The following PCGF5 variants were observed in gnomAD, a reference collection of about 807,000 sequenced individuals.
PCGF5 encodes the protein polycomb group ring finger 5.
In PCGF5, 9 loss-of-function variants were observed where a neutral mutation model predicts 44.3. That is an observed-to-expected ratio of 0.20 (90% CI 0.12 to 0.35). PCGF5 has a LOEUF of 0.35. Ranked by LOEUF, PCGF5 falls within the 10% of genes least tolerant of loss-of-function variation. The pLI is 1.00. For synonymous variants in PCGF5, 95 were observed against 102.5 expected, an observed-to-expected ratio of 0.93 and a Z score of 0.44; for missense variants, 146 against 305.3, an observed-to-expected ratio of 0.48 and a Z score of 3.89.
chr10:91,258,831 G>T (rs1845824379), intron 6 of PCGF5, among the ~76,000 whole-genome samples: 1 of 151,972 alleles, frequency 6.6e-6, no homozygotes, highest in South Asian at 2.1e-4. Flanking sequence ...GTTGTTATTT[G>T]TTAATTTATT....
intron 1 of PCGF5, among the ~76,000 whole-genome samples, chr10:91,181,425 T>C (rs1758380426): frequency 6.6e-6 from 1 of 150,500 alleles, no homozygotes. Flanking sequence ...GGCATCCTTG[T>C]CTTGTGCCAG....
intron 1 of PCGF5, among the ~76,000 whole-genome samples, chr10:91,180,385 G>A (rs563860232): frequency 6.6e-6 from 1 of 152,156 alleles, no homozygotes; most frequent in South Asian, 2.1e-4. Context: ...TTTTGTTGCA[G>A]TTATTTTGGT....
rs1846442576 is a variant in PCGF5 at position 91,281,125 on chromosome 10, G to A, written c.*2809G>A. The A allele has an allele frequency of 6.6e-6, 1 of 152,428 alleles. No homozygotes were observed. The highest frequency in any genetic ancestry group is 1.5e-5 in the Non-Finnish European group (1 of 67,900). The allele number at this position is 152,428 out of a possible 1,614,324, so 9.4% of individuals were successfully genotyped here. The stretch of plus-strand genomic sequence containing the variant: ...TCAGTTAATAGAGAAATCAAAATAT[G>A]TATGGCCTTTTCTCTAGATTAGCAA... On this transcript the variant is annotated 3_prime_UTR_variant, in exon 10 of 10. Coordinates refer to ENST00000336126, the MANE Select transcript of PCGF5 (RefSeq NM_032373.5).
At chr10:91,215,196 A>G (rs895065419), upstream of PCGF5, among the ~76,000 whole-genome samples, 1 of 152,236 alleles carries the variant, frequency 6.6e-6, no homozygotes, top group African/African-American at 2.4e-5. Context: ...GCATAAATGA[A>G]TACATGTAAT....
chr10:91,211,842 A>G (rs1244618160), intron 1 of PCGF5, among the ~76,000 whole-genome samples: 1 of 151,976 alleles, frequency 6.6e-6, no homozygotes, highest in East Asian at 1.9e-4. Flanking sequence ...AGTGGAGACA[A>G]GGTTATAGAG....
At chr10:91,160,777 G>C (rs12254140), upstream of PCGF5, among the ~76,000 whole-genome samples, 2,289 of 152,286 alleles carry the variant, frequency 0.015, 60 homozygotes, top group African/African-American at 0.053. Flanking sequence ...GAAGCAGAAG[G>C]GCAAAGAGGG....
At chr10:91,260,296 A>C (rs952418343) in intron 6 of PCGF5, among the ~76,000 whole-genome samples, 3 of 152,226 alleles carry the variant, frequency 2.0e-5, no homozygotes, top group African/African-American at 7.2e-5. Context: ...CCATCATTAA[A>C]AAGTCAGGAA....
chr10:91,222,956 A>T lies in PCGF5; in HGVS notation c.85A>T (p.Thr29Ser), dbSNP rs1448969907. 1 of 1,608,264 alleles carries T rather than the reference A, an allele frequency of 6.2e-7. No homozygotes were observed. Among genetic ancestry groups the T allele is most frequent in the Non-Finnish European group, 8.5e-7 (1 of 1,174,636 alleles). ...YICKGYLIKP[T>S]TVTECLHTFC... is the part of the protein sequence containing the mutation. The stretch of plus-strand genomic sequence containing the variant: ...CTGTAAAGGGTATCTGATCAAGCCA[A>T]CAACAGTGACGGAATGCCTCCATAC... The change falls in exon 2 of 10, where the codon ACA becomes TCA. Residue 29 changes from threonine to serine, a missense_variant. Transcript: ENST00000336126.
chr10:91,218,424 G>T (rs536003756), upstream of PCGF5, among the ~76,000 whole-genome samples: 214 of 151,988 alleles, frequency 1.4e-3, 1 homozygote, highest in Non-Finnish European at 2.2e-3. Flanking sequence ...CCCTCATGTT[G>T]TAGCTTCCGT....
intron 2 of PCGF5, among the ~76,000 whole-genome samples, chr10:91,225,900 C>T (rs1258937949): frequency 1.3e-5 from 2 of 151,904 alleles, no homozygotes; most frequent in East Asian, 3.9e-4. Flanking sequence ...ACAAGGTTTT[C>T]TTATATATAA....
intron 8 of PCGF5, among the ~76,000 whole-genome samples, chr10:91,270,068 G>A (rs917705360): frequency 1.3e-4 from 20 of 152,172 alleles, no homozygotes; most frequent in South Asian, 2.1e-4. Flanking sequence ...GCATATTAAC[G>A]TTTATTATGA....
chr10:91,276,520 C>G (rs1446690307), intron 9 of PCGF5, among the ~76,000 whole-genome samples: 1 of 152,136 alleles, frequency 6.6e-6, no homozygotes, highest in Non-Finnish European at 1.5e-5. Context: ...TAAAATATAT[C>G]TTTACAATTT....
intron 5 of PCGF5, among the ~76,000 whole-genome samples, chr10:91,250,699 A>G (rs11186518): frequency 0.13 from 19,790 of 151,556 alleles, 2,422 homozygotes; most frequent in African/African-American, 0.32. Flanking sequence ...GGTGAAATAC[A>G]TTTGTATATA....
intron 1 of PCGF5, among the ~76,000 whole-genome samples, chr10:91,196,660 G>A (rs183551010): frequency 8.5e-5 from 13 of 152,206 alleles, no homozygotes; most frequent in East Asian, 1.9e-4. Context: ...GTGTTTTTCC[G>A]TATTTCAGAG....
In PCGF5 at chr10:91,258,455, A is replaced by G. The variant is rs559113338; in HGVS notation, c.475-2871A>G. ...ATATACTTACAGTTGAACCTCCCAAATCTGAAATGAATGAGTGTCATGTCA... is the reference window on the plus strand; with the variant it reads ...ATATACTTACAGTTGAACCTCCCAAGTCTGAAATGAATGAGTGTCATGTCA... On this transcript the variant is annotated intron_variant, in intron 6 of 9. Coordinates refer to ENST00000336126, the MANE Select transcript of PCGF5 (RefSeq NM_032373.5). Among the ~76,000 whole-genome samples, 10 of 152,250 alleles carry G rather than the reference A, an allele frequency of 6.6e-5. No homozygotes were observed. The East Asian group carries it at 1.3e-3, about 21-fold the overall frequency.
At chr10:91,241,673 A>G (rs1845331030) in intron 3 of PCGF5, among the ~76,000 whole-genome samples, 1 of 152,098 alleles carries the variant, frequency 6.6e-6, no homozygotes, top group Non-Finnish European at 1.5e-5. Flanking sequence ...TGAACTTAAA[A>G]AAAAAAAAAA....
At chr10:91,171,816 T>G (rs535106827) in intron 1 of PCGF5, among the ~76,000 whole-genome samples, 21 of 152,266 alleles carry the variant, frequency 1.4e-4, no homozygotes, top group Middle Eastern at 3.4e-3. Context: ...CTTGGGGATG[T>G]TGAGTGACAC....
chr10:91,268,059 A>G (rs543261906), intron 8 of PCGF5, among the ~76,000 whole-genome samples: 96 of 152,196 alleles, frequency 6.3e-4, no homozygotes, highest in Middle Eastern at 3.4e-3. Flanking sequence ...ATTTAACCTT[A>G]TTGTTTTGAG....
intron 1 of PCGF5, among the ~76,000 whole-genome samples, chr10:91,208,915 T>C (rs1188408857): frequency 6.6e-6 from 1 of 152,208 alleles, no homozygotes; most frequent in Non-Finnish European, 1.5e-5. Flanking sequence ...ACTCTCCTAA[T>C]CAAAAAGAAA....
Sources: gnomAD v4.1 joint callset for allele counts (sites outside exome capture counted in the v4.1 genomes callset) on GRCh38, gnomAD v4.1.1 for gene constraint, MANE v1.5 for transcripts, NCBI Gene and HGNC (gene_info 2026-07-23, HGNC 2026-07-21) for gene names.